The following SYN3 variants were observed in gnomAD, a reference collection of about 807,000 sequenced individuals.
SYN3 encodes synapsin III.
A neutral mutation model predicts 65.8 loss-of-function variants in SYN3; 35 were observed. That is an observed-to-expected ratio of 0.53 (90% CI 0.41 to 0.70). The LOEUF is 0.70. Among genes scored for constraint, SYN3 ranks in the 30% least tolerant of loss-of-function variants. The probability of loss-of-function intolerance (pLI) is 0.00; values close to 1 mark genes in which losing one functional copy is unlikely to be tolerated. For missense variants in SYN3, 680 were observed against 749.0 expected, an observed-to-expected ratio of 0.91 and a Z score of 1.08; for synonymous variants, 270 against 292.9, an observed-to-expected ratio of 0.92 and a Z score of 0.80.
chr22:32,620,256 T>C (rs1488866447), intron 6 of SYN3, among the ~76,000 whole-genome samples: 2 of 152,154 alleles, frequency 1.3e-5, no homozygotes, highest in Non-Finnish European at 2.9e-5. Flanking sequence ...GTTTAGAATA[T>C]GGTGTCAAAA....
intron 6 of SYN3, among the ~76,000 whole-genome samples, chr22:32,738,818 G>A (rs1012409915): frequency 6.6e-6 from 1 of 152,224 alleles, no homozygotes; most frequent in Non-Finnish European, 1.5e-5. Context: ...GTGTGACAGA[G>A]ATCAGGCTGG....
At chr22:32,994,576 A>G (rs1343444401) in intron 2 of SYN3, among the ~76,000 whole-genome samples, 1 of 152,182 alleles carries the variant, frequency 6.6e-6, no homozygotes, top group Non-Finnish European at 1.5e-5. Flanking sequence ...GGAGAGAGGC[A>G]CAAGGATTTT....
At chr22:32,879,593 C>G (rs1384425813) in intron 4 of SYN3, among the ~76,000 whole-genome samples, 1 of 152,204 alleles carries the variant, frequency 6.6e-6, no homozygotes, top group Non-Finnish European at 1.5e-5. Context: ...AAACTCTGCC[C>G]TCATGGCTAA....
At chr22:32,710,631 T>C (rs2060948427) in intron 6 of SYN3, among the ~76,000 whole-genome samples, 1 of 66,956 alleles carries the variant, frequency 1.5e-5, no homozygotes, top group Non-Finnish European at 2.4e-5. Context: ...AGACTCTGTC[T>C]CAAAAAAAAA....
intron 6 of SYN3, chr22:32,629,548 G>C (rs1055046521): frequency 3.9e-5 from 6 of 152,402 alleles, no homozygotes; most frequent in Admixed American, 3.9e-4. Flanking sequence ...CGGTGTGGAC[G>C]AGAGGTTGGT....
chr22:32,851,260 G>T (rs941379847), intron 6 of SYN3, among the ~76,000 whole-genome samples: 1 of 152,142 alleles, frequency 6.6e-6, no homozygotes, highest in Non-Finnish European at 1.5e-5. Flanking sequence ...TCCTCATTAC[G>T]AGACACTCGG....
chr22:33,020,186 A>T (rs918224438), intron 1 of SYN3, among the ~76,000 whole-genome samples: 4 of 152,246 alleles, frequency 2.6e-5, no homozygotes, highest in Non-Finnish European at 4.4e-5. Flanking sequence ...GAGGAGAAGT[A>T]TTCAGTTGAA....
chr22:32,681,804 A>G (rs2060525913), intron 6 of SYN3, among the ~76,000 whole-genome samples: 2 of 152,252 alleles, frequency 1.3e-5, no homozygotes. Context: ...TGTGGGAGAC[A>G]TACTAAAAAC....
intron 7 of SYN3, among the ~76,000 whole-genome samples, chr22:32,586,771 A>T (rs1284181136): frequency 6.6e-6 from 1 of 152,158 alleles, no homozygotes; most frequent in East Asian, 1.9e-4. Context: ...ATTGGCAAAC[A>T]TGGAGTCTGT....
intron 6 of SYN3, among the ~76,000 whole-genome samples, chr22:32,840,084 G>T (rs545468159): frequency 6.6e-6 from 1 of 152,238 alleles, no homozygotes; most frequent in South Asian, 2.1e-4. Flanking sequence ...TGAGAAACAG[G>T]AATCTCTGGG....
intron 6 of SYN3, among the ~76,000 whole-genome samples, chr22:32,858,576 GTC>G (rs898503810): frequency 5.3e-5 from 8 of 152,160 alleles, no homozygotes; most frequent in Non-Finnish European, 1.2e-4. Flanking sequence ...GCTACAGAAG[GTC>G]TCTCTTTACC....
chr22:32,550,406 C>G (rs902716783), intron 7 of SYN3, among the ~76,000 whole-genome samples: 1 of 149,922 alleles, frequency 6.7e-6, no homozygotes, highest in African/African-American at 2.4e-5. Context: ...ACTATATATC[C>G]CTAGCAGAAA....
chr22:32,886,580 G>C (rs2049294360), intron 4 of SYN3, among the ~76,000 whole-genome samples: 2 of 152,222 alleles, frequency 1.3e-5, no homozygotes, highest in Non-Finnish European at 2.9e-5. Context: ...TTGAAACGTA[G>C]TTTGATTTGC....
chr22:32,539,751 G>A (rs1369416787), intron 8 of SYN3, among the ~76,000 whole-genome samples: 2 of 151,408 alleles, frequency 1.3e-5, no homozygotes, highest in Non-Finnish European at 2.9e-5. Flanking sequence ...TCAGGCCAGG[G>A]AGGCTCAGCA....
intron 6 of SYN3, among the ~76,000 whole-genome samples, chr22:32,621,565 G>A (rs991014146): frequency 6.6e-6 from 1 of 152,124 alleles, no homozygotes; most frequent in Non-Finnish European, 1.5e-5. Flanking sequence ...CCTGGGCTTG[G>A]GGGTGAGAAA....
chr22:32,719,402 T>A (rs886998430), intron 6 of SYN3, among the ~76,000 whole-genome samples: 4 of 152,196 alleles, frequency 2.6e-5, no homozygotes, highest in Non-Finnish European at 4.4e-5. Context: ...GTGTTTAAAA[T>A]CTCATTTGTC....
At chr22:32,734,890 A>ATTCTACTCTCCTTCTTCTACTCT (rs1480651033) in intron 6 of SYN3, among the ~76,000 whole-genome samples, 1 of 152,132 alleles carries the variant, frequency 6.6e-6, no homozygotes, top group Non-Finnish European at 1.5e-5. Context: ...CAGGGTGGAT[A>ATTCTACTCTCCTTCTTCTACTCT]CAGTCTTCGG....
chr22:32,719,961 GC>G (rs1291182547), intron 6 of SYN3, among the ~76,000 whole-genome samples: 3 of 152,210 alleles, frequency 2.0e-5, no homozygotes, highest in African/African-American at 7.2e-5. Context: ...CCCAATTTGG[GC>G]ACTTTGAGTC....
chr22:32,529,690 G>A (rs1367044317), intron 10 of SYN3, among the ~76,000 whole-genome samples: 3 of 152,166 alleles, frequency 2.0e-5, no homozygotes, highest in African/African-American at 4.8e-5. Flanking sequence ...AATGCTCCAC[G>A]TGATTCCCTG....
Sources: allele counts gnomAD v4.1 joint callset (sites outside exome capture counted in the v4.1 genomes callset), GRCh38; gene constraint gnomAD v4.1.1; transcripts MANE v1.5; gene names NCBI Gene and HGNC (gene_info 2026-07-23, HGNC 2026-07-21).